Variants in NEGR1 observed in about 807,000 individuals in gnomAD.
NEGR1 encodes IgLON family member 4.
Under a neutral mutation model 40.9 loss-of-function variants are expected in NEGR1, and 10 were observed. The observed-to-expected ratio is 0.24, with a 90% confidence interval of 0.15 to 0.42. The LOEUF is 0.42. Among genes scored for constraint, NEGR1 ranks in the 10% least tolerant of loss-of-function variants. The pLI, the probability that NEGR1 is intolerant of heterozygous loss-of-function variation, is 1.00. For missense variants in NEGR1, 352 were observed against 438.9 expected, an observed-to-expected ratio of 0.80 and a Z score of 1.77; for synonymous variants, 185 against 166.8, an observed-to-expected ratio of 1.11 and a Z score of -0.84.
At chr1:71,899,848 A>G (rs1661098054) in intron 2 of NEGR1, among the ~76,000 whole-genome samples, 1 of 152,130 alleles carries the variant, frequency 6.6e-6, no homozygotes, top group African/African-American at 2.4e-5. Flanking sequence ...TTCTTCACCA[A>G]GTGTCCAAAG....
intron 3 of NEGR1, among the ~76,000 whole-genome samples, chr1:71,757,896 C>T (rs552787291): frequency 6.6e-6 from 1 of 152,138 alleles, no homozygotes; most frequent in African/African-American, 2.4e-5. Context: ...CAAACAACTT[C>T]TACGTAAAAA....
intron 6 of NEGR1, among the ~76,000 whole-genome samples, chr1:71,465,039 G>C (rs1646736579): frequency 6.6e-6 from 1 of 152,034 alleles, no homozygotes; most frequent in African/African-American, 2.4e-5. Flanking sequence ...TGGAAGTCTA[G>C]GATCATTCTG....
chr1:71,450,721 A>T (rs532191515), intron 6 of NEGR1, among the ~76,000 whole-genome samples: 3 of 152,226 alleles, frequency 2.0e-5, no homozygotes, highest in African/African-American at 4.8e-5. Flanking sequence ...GAGGCAGGAG[A>T]ATCGCTTGAA....
chr1:71,434,407 A>C (rs1646492580), intron 6 of NEGR1, among the ~76,000 whole-genome samples: 2 of 152,128 alleles, frequency 1.3e-5, no homozygotes, highest in African/African-American at 4.8e-5. Context: ...GTAGTACTGT[A>C]ACAATTTTGT....
At chr1:71,498,564 G>T (rs1023420766) in intron 6 of NEGR1, among the ~76,000 whole-genome samples, 3 of 152,078 alleles carry the variant, frequency 2.0e-5, no homozygotes, top group Non-Finnish European at 4.4e-5. Flanking sequence ...CCAAATATCA[G>T]AAATGAAAAG....
intron 2 of NEGR1, among the ~76,000 whole-genome samples, chr1:71,912,245 G>C (rs1281008442): frequency 6.6e-6 from 1 of 152,144 alleles, no homozygotes; most frequent in Non-Finnish European, 1.5e-5. Flanking sequence ...AGCTTTTAAA[G>C]ACTGCCCACC....
chr1:71,855,198 T>C (rs1335416435), intron 2 of NEGR1, among the ~76,000 whole-genome samples: 1 of 152,146 alleles, frequency 6.6e-6, no homozygotes, highest in African/African-American at 2.4e-5. Flanking sequence ...TATTTCCCCA[T>C]AAGCAGTCTG....
At chr1:71,871,367 T>C (rs1214027048) in intron 2 of NEGR1, among the ~76,000 whole-genome samples, 3 of 152,206 alleles carry the variant, frequency 2.0e-5, no homozygotes, top group Admixed American at 1.3e-4. Context: ...AGTAGACTTT[T>C]TGTGTGGACT....
At chr1:71,863,407 GGACATA>G (rs1660012694) in intron 2 of NEGR1, among the ~76,000 whole-genome samples, 1 of 152,050 alleles carries the variant, frequency 6.6e-6, no homozygotes, top group Admixed American at 6.6e-5. Flanking sequence ...GAGAACACAT[GGACATA>G]GAAAGGGGAA....
intron 2 of NEGR1, among the ~76,000 whole-genome samples, chr1:71,837,849 A>G (rs1659097845): frequency 6.6e-6 from 1 of 152,146 alleles, no homozygotes; most frequent in South Asian, 2.1e-4. Flanking sequence ...AAATACTAAA[A>G]TATATAATCT....
intron 2 of NEGR1, among the ~76,000 whole-genome samples, chr1:71,920,289 C>A (rs768028997): frequency 6.6e-6 from 1 of 152,126 alleles, no homozygotes; most frequent in Non-Finnish European, 1.5e-5. Context: ...CAAGACAATG[C>A]GAGTTTATAC....
chr1:71,933,890 G>A (rs1645878978), intron 2 of NEGR1, among the ~76,000 whole-genome samples: 2 of 152,042 alleles, frequency 1.3e-5, no homozygotes, highest in South Asian at 2.1e-4. Context: ...AATTGAAGGT[G>A]TGTTTGAATT....
At chr1:72,049,178 A>G (rs1271963128) in intron 1 of NEGR1, among the ~76,000 whole-genome samples, 1 of 151,404 alleles carries the variant, frequency 6.6e-6, no homozygotes, top group African/African-American at 2.4e-5. Flanking sequence ...AATAAATAAT[A>G]ATAATGCAAA....
At position 71,803,593 on chromosome 1, in the gene NEGR1, T is replaced by C. The variant is rs114199097; in HGVS notation, c.410-27296A>G. Among the ~76,000 whole-genome samples the C allele has an allele frequency of 7.7e-3, 1,174 of 152,304 alleles. 12 individuals are homozygous for C. Among genetic ancestry groups the C allele is most frequent in the African/African-American group, 0.027 (1,134 of 41,562 alleles). On this transcript the variant is annotated intron_variant, in intron 2 of 6. Coordinates refer to ENST00000357731, the MANE Select transcript of NEGR1 (RefSeq NM_173808.3). ...GGGCTATAACTTGTGGTTTCATTTATCTGGACTCTCCCTTCAGATATATGC... is the reference window on the plus strand; with the variant it reads ...GGGCTATAACTTGTGGTTTCATTTACCTGGACTCTCCCTTCAGATATATGC...
At chr1:71,733,826 A>G (rs948881596) in intron 3 of NEGR1, among the ~76,000 whole-genome samples, 7 of 152,176 alleles carry the variant, frequency 4.6e-5, no homozygotes, top group African/African-American at 1.7e-4. Context: ...TATAGTACTG[A>G]TTCCTAAAAA....
chr1:71,537,087 G>A (rs1252943174), intron 6 of NEGR1, among the ~76,000 whole-genome samples: 1 of 151,586 alleles, frequency 6.6e-6, no homozygotes, highest in East Asian at 2.0e-4. Context: ...TTACAATTCT[G>A]AGAATTATCT....
At chr1:72,233,100 C>T (rs1654427673) in intron 1 of NEGR1, among the ~76,000 whole-genome samples, 1 of 151,942 alleles carries the variant, frequency 6.6e-6, no homozygotes, top group African/African-American at 2.4e-5. Context: ...CACTGAAATA[C>T]AGAGAAAGGT....
intron 6 of NEGR1, among the ~76,000 whole-genome samples, chr1:71,581,553 C>T (rs979107450): frequency 6.6e-6 from 1 of 152,114 alleles, no homozygotes; most frequent in Non-Finnish European, 1.5e-5. Context: ...ATGTCACATG[C>T]ATGGATTATA....
At chr1:71,994,763 C>A (rs1646488646) in intron 1 of NEGR1, among the ~76,000 whole-genome samples, 1 of 152,014 alleles carries the variant, frequency 6.6e-6, no homozygotes, top group Non-Finnish European at 1.5e-5. Context: ...GTATTTATTT[C>A]AGTGTTCGAG....
Sources: allele counts gnomAD v4.1 joint callset (sites outside exome capture counted in the v4.1 genomes callset), GRCh38; gene constraint gnomAD v4.1.1; transcripts MANE v1.5; gene names NCBI Gene and HGNC (gene_info 2026-07-23, HGNC 2026-07-21).